SPOCK3: variants seen among roughly 807,000 people sequenced by gnomAD.
SPOCK3 encodes the protein testican-3.
Under a neutral mutation model 56.6 loss-of-function variants are expected in SPOCK3, and 30 were observed. The ratio of observed to expected loss-of-function variants is 0.53; its 90% confidence interval spans 0.40 to 0.72. The LOEUF (loss-of-function observed/expected upper bound fraction) is 0.72, where lower values mean the gene tolerates loss of function less well. SPOCK3 is among the 30% of genes least tolerant of loss of function. SPOCK3 has a pLI of 0.00. For synonymous variants in SPOCK3, 196 were observed against 183.3 expected, an observed-to-expected ratio of 1.07 and a Z score of -0.56; for missense variants, 527 against 530.0, an observed-to-expected ratio of 0.99 and a Z score of 0.06.
At chr4:166,955,739 C>G (rs1255885132) in intron 4 of SPOCK3, among the ~76,000 whole-genome samples, 1 of 150,442 alleles carries the variant, frequency 6.6e-6, no homozygotes, top group Non-Finnish European at 1.5e-5. Flanking sequence ...TTATTTCTTT[C>G]TTGCTCTAAT....
At chr4:167,125,201 T>TTATC (rs1346912514) in intron 2 of SPOCK3, among the ~76,000 whole-genome samples, 1 of 145,662 alleles carries the variant, frequency 6.9e-6, no homozygotes, top group Non-Finnish European at 1.5e-5. Context: ...TTTTATTTAT[T>TTATC]TATTTATTTA....
At chr4:167,228,036 GGAAAA>G (rs1274177478) in intron 2 of SPOCK3, among the ~76,000 whole-genome samples, 2 of 151,964 alleles carry the variant, frequency 1.3e-5, no homozygotes, top group Admixed American at 6.6e-5. Flanking sequence ...AACCTAACCA[GGAAAA>G]GAAAAGAAAT....
chr4:166,860,922 A>G (rs1731188755), intron 6 of SPOCK3, among the ~76,000 whole-genome samples: 1 of 150,156 alleles, frequency 6.7e-6, no homozygotes, highest in South Asian at 2.1e-4. Flanking sequence ...CTTTACTGGG[A>G]ACACTATAAC....
At chr4:166,983,532 T>C (rs1452002669) in intron 4 of SPOCK3, among the ~76,000 whole-genome samples, 2 of 152,064 alleles carry the variant, frequency 1.3e-5, no homozygotes, top group East Asian at 3.8e-4. Context: ...AAATTACTTC[T>C]AGATAGGAGA....
intron 4 of SPOCK3, among the ~76,000 whole-genome samples, chr4:166,986,298 C>T (rs1283357274): frequency 6.6e-6 from 1 of 152,088 alleles, no homozygotes; most frequent in Non-Finnish European, 1.5e-5. Context: ...TGAAGTGTTA[C>T]CCATCACACC....
intron 6 of SPOCK3, among the ~76,000 whole-genome samples, chr4:166,876,017 G>A (rs1404652834): frequency 6.6e-6 from 1 of 152,148 alleles, no homozygotes; most frequent in Admixed American, 6.5e-5. Flanking sequence ...ACAGATCTGT[G>A]GCACAGCTGA....
chr4:167,205,526 ATT>A (rs1561322661), intron 2 of SPOCK3, among the ~76,000 whole-genome samples: 8 of 57,078 alleles, frequency 1.4e-4, no homozygotes, highest in East Asian at 6.0e-4. Context: ...TATTATATAT[ATT>A]ATTATATAAT....
At position 167,015,691 on chromosome 4, in the gene SPOCK3, G is replaced by A. The variant is rs141311551; in HGVS notation, c.236-15228C>T. 1.4e-3 allele frequency among the ~76,000 whole-genome samples: 220 copies of A among 152,216 alleles called. 1 individual carries two copies. Among genetic ancestry groups the A allele is most frequent in the African/African-American group, 5.0e-3 (207 of 41,574 alleles). On this transcript the variant is annotated intron_variant, in intron 3 of 10. Transcript: ENST00000357545. ...AGTAATGATCTGACTGTTGTTAAACGAAACTTTCATTGACTGCCATCTACT... is the reference window on the plus strand; with the variant it reads ...AGTAATGATCTGACTGTTGTTAAACAAAACTTTCATTGACTGCCATCTACT...
intron 3 of SPOCK3, among the ~76,000 whole-genome samples, chr4:167,061,713 C>T (rs1755625417): frequency 6.6e-6 from 1 of 152,000 alleles, no homozygotes. Flanking sequence ...AGTCTGACTA[C>T]TTCACAAAGT....
At chr4:167,160,307 GA>G (rs1443037744) in intron 2 of SPOCK3, among the ~76,000 whole-genome samples, 1 of 151,956 alleles carries the variant, frequency 6.6e-6, no homozygotes, top group Non-Finnish European at 1.5e-5. Flanking sequence ...TCAAAGAGAA[GA>G]AAATACCTAG....
intron 2 of SPOCK3, among the ~76,000 whole-genome samples, chr4:167,104,710 G>C (rs958320666): frequency 6.6e-6 from 1 of 151,862 alleles, no homozygotes; most frequent in Non-Finnish European, 1.5e-5. Flanking sequence ...CAAACCTAGG[G>C]AAAGATATCA....
At chr4:166,857,411 T>C (rs578207795) in intron 6 of SPOCK3, among the ~76,000 whole-genome samples, 89 of 152,276 alleles carry the variant, frequency 5.8e-4, no homozygotes, top group African/African-American at 1.9e-3. Flanking sequence ...ACAGAGACCT[T>C]CAGAAATCTG....
At chr4:166,971,985 G>C (rs1484378136) in intron 4 of SPOCK3, among the ~76,000 whole-genome samples, 1 of 152,088 alleles carries the variant, frequency 6.6e-6, no homozygotes, top group East Asian at 1.9e-4. Flanking sequence ...CTCATGAGAT[G>C]GTATGAGAGA....
intron 4 of SPOCK3, among the ~76,000 whole-genome samples, chr4:166,931,497 TC>T (rs1739774050): frequency 6.6e-6 from 1 of 152,192 alleles, no homozygotes; most frequent in African/African-American, 2.4e-5. Flanking sequence ...ATAATTTTAT[TC>T]CCCTGGAATA....
At chr4:166,948,739 T>A (rs571371618) in intron 4 of SPOCK3, among the ~76,000 whole-genome samples, 3 of 152,290 alleles carry the variant, frequency 2.0e-5, no homozygotes, top group African/African-American at 4.8e-5. Context: ...CTTCCCTTTG[T>A]GGGTAACCCG....
intron 6 of SPOCK3, among the ~76,000 whole-genome samples, chr4:166,861,291 C>A (rs768479918): frequency 1.3e-5 from 2 of 152,044 alleles, no homozygotes; most frequent in African/African-American, 4.8e-5. Context: ...CTTTCTCTCA[C>A]GTAGTTTAGG....
chr4:167,116,562 A>G (rs932274735), intron 2 of SPOCK3, among the ~76,000 whole-genome samples: 1 of 107,902 alleles, frequency 9.3e-6, no homozygotes, highest in Non-Finnish European at 1.9e-5. Context: ...ATGAGTATAT[A>G]TACTTTTATA....
intron 6 of SPOCK3, among the ~76,000 whole-genome samples, chr4:166,832,883 A>G (rs1746224964): frequency 6.6e-6 from 1 of 152,166 alleles, no homozygotes; most frequent in South Asian, 2.1e-4. Context: ...TGGCAACAAT[A>G]AATTCTGGGT....
At chr4:167,198,941 T>C (rs917046819) in intron 2 of SPOCK3, among the ~76,000 whole-genome samples, 3 of 152,116 alleles carry the variant, frequency 2.0e-5, no homozygotes, top group African/African-American at 4.8e-5. Context: ...ACATATTAGG[T>C]AGTAGCTAAA....
Sources: gnomAD v4.1 joint callset for allele counts (sites outside exome capture counted in the v4.1 genomes callset) on GRCh38, gnomAD v4.1.1 for gene constraint, MANE v1.5 for transcripts, NCBI Gene and HGNC (gene_info 2026-07-23, HGNC 2026-07-21) for gene names.